ITGA11: variants seen among roughly 807,000 people sequenced by gnomAD.
ITGA11 encodes the protein integrin subunit alpha 11.
Under a neutral mutation model 141.9 loss-of-function variants are expected in ITGA11, and 97 were observed. The observed-to-expected ratio is 0.68, with a 90% confidence interval of 0.58 to 0.81. ITGA11 has a LOEUF of 0.81. ITGA11 is among the 30% of genes least tolerant of loss of function. The pLI is 0.00. For synonymous variants in ITGA11, 658 were observed against 624.6 expected (o/e 1.05, Z -0.80); for missense variants, 1,387 against 1,559.2 (o/e 0.89, Z 1.86).
intron 7 of ITGA11, among the ~76,000 whole-genome samples, chr15:68,354,526 G>A (rs1274638295): frequency 6.6e-6 from 1 of 152,154 alleles, no homozygotes; most frequent in African/African-American, 2.4e-5. Flanking sequence ...TGAACCCCTT[G>A]CTGTGGTCAA....
intron 5 of ITGA11, among the ~76,000 whole-genome samples, chr15:68,359,087 C>G (rs929352275): frequency 5.3e-5 from 8 of 152,200 alleles, no homozygotes; most frequent in Non-Finnish European, 7.3e-5. Flanking sequence ...CACAAAACCT[C>G]TCAGCCTCAG....
At chr15:68,342,997 TTCTCTCTCTCTC>T (rs6145615) in intron 10 of ITGA11, among the ~76,000 whole-genome samples, 47,652 of 143,928 alleles carry the variant, frequency 0.33, 7,945 homozygotes, top group East Asian at 0.46. Context: ...GGGCAAGTTC[TTCTCTCTCTCTC>T]TCTCTCTCTC....
Position 68,325,256 on chromosome 15 carries a change from T to G in ITGA11, c.2212-15A>C. ...TCAGCAGTGTCCTGGGGGGTGGAGATGAGGGCAGCGGTGAGGGAGGAGAGA... is the reference window on the plus strand; with the variant it reads ...TCAGCAGTGTCCTGGGGGGTGGAGAGGAGGGCAGCGGTGAGGGAGGAGAGA... On this transcript the variant is annotated splice_polypyrimidine_tract_variant and intron_variant, in intron 17 of 29. Coordinates refer to ENST00000315757, the MANE Select transcript of ITGA11 (RefSeq NM_001004439.2). The surrounding 1 kb of genome is among the most constrained non-coding windows in gnomAD (Gnocchi z 5.5). 6.4e-7 allele frequency: 1 copy of G among 1,567,124 alleles called. No individual in the cohort carries two copies. The highest frequency in any genetic ancestry group is 1.1e-5 in the South Asian group (1 of 90,150).
rs567489635 is a variant in ITGA11, at chr15:68,308,846, G to GA, written c.3175-1151dup. On this transcript the variant is annotated intron_variant, in intron 26 of 29. Transcript: ENST00000315757. The surrounding 1 kb of genome is among the most constrained non-coding windows in gnomAD (Gnocchi z 5.2). ...CAGATCATTCATATCAATTTGTGAG[G>GA]AAAAAAAAAATCTTGTTCAGGCCCT... Among the ~76,000 whole-genome samples, 366 of 150,428 alleles carry GA rather than the reference G, an allele frequency of 2.4e-3. 1 individual carries two copies. The highest frequency in any genetic ancestry group is 0.011 in the Admixed American group (165 of 15,098).
Position 68,326,732 on chromosome 15 carries a change from G to A in ITGA11, c.2133C>T (p.Gly711=), listed in dbSNP as rs188839084. 4.7e-4 allele frequency: 737 copies of A among 1,582,544 alleles called. No homozygotes were observed. The African/African-American group carries it at 8.9e-3, about 19-fold the overall frequency. ...CGGCTCTGTTGGTGAATCGGTCCCC[G>A]CCCTCGTCCAGGTGGGCCCTCGGTG... ...RYTPRAHLDE[G]GDRFTNRAVL... The change falls in exon 17 of 30, where the codon GGC becomes GGT. Residue 711 remains glycine, a synonymous_variant. Coordinates refer to ENST00000315757, the MANE Select transcript of ITGA11 (RefSeq NM_001004439.2). The surrounding 1 kb of genome is among the most constrained non-coding windows in gnomAD (Gnocchi z 6.8).
Position 68,303,941 on chromosome 15 carries a change from A to T in ITGA11, c.3382-56T>A. 1 of 1,145,690 alleles carries T rather than the reference A, an allele frequency of 8.7e-7. No homozygotes were observed. The highest frequency in any genetic ancestry group is 1.3e-6 in the Non-Finnish European group (1 of 765,218). 71.0% of individuals were successfully genotyped at this position (1,145,690 alleles called of 1,614,324 possible). A position where few individuals can be genotyped will look rare whatever the true frequency, so the allele number is the denominator to read the frequency against. On this transcript the variant is annotated intron_variant, in intron 28 of 29. Transcript: ENST00000315757. The surrounding 1 kb of genome is among the most constrained non-coding windows in gnomAD (Gnocchi z 5.3). ...ATTACTCTTCTGGGGCTGGGGTGGCAGTCTGGGAGGGGCAGGAGGGTGGAG... is the reference window on the plus strand; with the variant it reads ...ATTACTCTTCTGGGGCTGGGGTGGCTGTCTGGGAGGGGCAGGAGGGTGGAG...
intron 2 of ITGA11, among the ~76,000 whole-genome samples, chr15:68,378,403 G>T (rs12591448): frequency 6.6e-6 from 1 of 152,314 alleles, no homozygotes; most frequent in Non-Finnish European, 1.5e-5. Flanking sequence ...CCAGCTACTA[G>T]GGAAGGTGAG....
At chr15:68,347,991 C>T (rs1419140190) in intron 10 of ITGA11, among the ~76,000 whole-genome samples, 3 of 152,174 alleles carry the variant, frequency 2.0e-5, no homozygotes, top group Non-Finnish European at 4.4e-5. Flanking sequence ...AAAGCACACC[C>T]ACAGGAGCAC....
At chr15:68,337,016 T>G (rs1894382215) in intron 11 of ITGA11, among the ~76,000 whole-genome samples, 1 of 152,188 alleles carries the variant, frequency 6.6e-6, no homozygotes, top group Non-Finnish European at 1.5e-5. Context: ...AACATGGCCA[T>G]GTATTTAGAG....
At chr15:68,391,174 C>T (rs1402873687) in intron 2 of ITGA11, among the ~76,000 whole-genome samples, 1 of 152,136 alleles carries the variant, frequency 6.6e-6, no homozygotes, top group Non-Finnish European at 1.5e-5. Flanking sequence ...GCCCAGTGTG[C>T]TCCTGTCCAT....
rs1892950954 is a variant in ITGA11, at chr15:68,298,333, A to G, written c.*4726T>C. On this transcript the variant is annotated 3_prime_UTR_variant, in exon 30 of 30. Coordinates refer to ENST00000315757, the MANE Select transcript of ITGA11 (RefSeq NM_001004439.2). ...TGGGGTTTTGCTTTTGCCTTAATCA[A>G]TGGCAAGATACTCTTGCATGTTGGC... 1.3e-5 allele frequency: 2 copies of G among 152,178 alleles called. No individual in the cohort carries two copies. The highest frequency in any genetic ancestry group is 2.1e-4 in the South Asian group (1 of 4,828). The allele number at this position is 152,178 out of a possible 1,614,324, so 9.4% of individuals were successfully genotyped here. A position where few individuals can be genotyped will look rare whatever the true frequency, so the allele number is the denominator to read the frequency against.
At chr15:68,327,880 T>A (rs1343120274) in intron 16 of ITGA11, among the ~76,000 whole-genome samples, 1 of 152,194 alleles carries the variant, frequency 6.6e-6, no homozygotes, top group East Asian at 1.9e-4. Flanking sequence ...CCTGTCATGA[T>A]CACCCCTGCT....
chr15:68,347,164 G>C (rs780732216), intron 10 of ITGA11, among the ~76,000 whole-genome samples: 1 of 152,182 alleles, frequency 6.6e-6, no homozygotes, highest in African/African-American at 2.4e-5. Context: ...GGCTGGTCCT[G>C]CCAGAGCACA....
rs1374438260 is a variant in ITGA11, at chr15:68,324,273, G to A, written c.2322+858C>T. 6.6e-6 allele frequency among the ~76,000 whole-genome samples: 1 copy of A among 152,016 alleles called. No individual in the cohort carries two copies. The highest frequency in any genetic ancestry group is 1.5e-5 in the Non-Finnish European group (1 of 68,010). On this transcript the variant is annotated intron_variant, in intron 18 of 29. Transcript: ENST00000315757. The surrounding 1 kb of genome is among the most constrained non-coding windows in gnomAD (Gnocchi z 6.3). ...TCAGGGGCATTGCTGTGGACTGTAC[G>A]GTCCTTTCCTGGTGTTGAAGAAATG... is the stretch of plus-strand genomic sequence containing the variant.
intron 6 of ITGA11, among the ~76,000 whole-genome samples, chr15:68,358,162 A>G (rs765629117): frequency 1.3e-5 from 2 of 152,158 alleles, no homozygotes; most frequent in Non-Finnish European, 2.9e-5. Context: ...AGGGCTCTAG[A>G]TTCCACTCAA....
At chr15:68,423,954 C>T (rs1321208831) in intron 1 of ITGA11, among the ~76,000 whole-genome samples, 5 of 152,278 alleles carry the variant, frequency 3.3e-5, no homozygotes, top group East Asian at 1.9e-4. Flanking sequence ...TAATGGACTT[C>T]GACTAACCCC....
At chr15:68,393,738 A>T (rs2125999) in intron 2 of ITGA11, among the ~76,000 whole-genome samples, 44,394 of 152,104 alleles carry the variant, frequency 0.29, 6,671 homozygotes, top group Middle Eastern at 0.33. Flanking sequence ...TCTTTGGCTG[A>T]AAGAAAATTA....
chr15:68,340,154 C>G (rs1336437899), intron 10 of ITGA11, among the ~76,000 whole-genome samples: 1 of 151,794 alleles, frequency 6.6e-6, no homozygotes, highest in Non-Finnish European at 1.5e-5. Context: ...TTGTTTGGTG[C>G]CAGGGATATT....
rs549703579 is a variant in ITGA11, at chr15:68,330,164, G to A, written c.1901+817C>T. 2.4e-3 allele frequency among the ~76,000 whole-genome samples: 369 copies of A among 152,318 alleles called. 3 individuals are homozygous for A. The highest frequency in any genetic ancestry group is 8.6e-3 in the African/African-American group (356 of 41,588). On this transcript the variant is annotated intron_variant, in intron 15 of 29. Coordinates refer to ENST00000315757, the MANE Select transcript of ITGA11 (RefSeq NM_001004439.2). Reference sequence around the variant, plus strand: ...GGCTTTTGCCTCAGGCTGTTTTCTAGGGAACCTGGAGGAAGACATTTCCCC... The same window carrying A: ...GGCTTTTGCCTCAGGCTGTTTTCTAAGGAACCTGGAGGAAGACATTTCCCC...
Sources: gnomAD v4.1 joint callset for allele counts (sites outside exome capture counted in the v4.1 genomes callset) on GRCh38, gnomAD v4.1.1 for gene constraint, Gnocchi (gnomAD v3.1) non-coding constraint, MANE v1.5 for transcripts, NCBI Gene and HGNC (gene_info 2026-07-23, HGNC 2026-07-21) for gene names.